Variants in PTPRG observed in about 807,000 individuals in gnomAD.
PTPRG encodes the protein protein tyrosine phosphatase receptor type G.
Under a neutral mutation model 165.3 loss-of-function variants are expected in PTPRG, and 102 were observed. The observed-to-expected ratio is 0.62, with a 90% CI of 0.53 to 0.73. PTPRG has a LOEUF of 0.73. Among genes scored for constraint, PTPRG ranks in the 30% least tolerant of loss-of-function variants. The probability of loss-of-function intolerance (pLI) is 0.00; values close to 1 mark genes in which losing one functional copy is unlikely to be tolerated. For synonymous variants in PTPRG, 675 were observed against 669.5 expected (o/e 1.01, Z -0.13); for missense variants, 1,866 against 1,861.4 (o/e 1.00, Z -0.05).
At chr3:62,041,119 A>G (rs964191689) in intron 4 of PTPRG, among the ~76,000 whole-genome samples, 3 of 152,222 alleles carry the variant, frequency 2.0e-5, no homozygotes, top group African/African-American at 7.2e-5. Context: ...GTGAGAATTA[A>G]AGGAGTTGAT....
chr3:62,124,829 A>T (rs1703227365), intron 5 of PTPRG, among the ~76,000 whole-genome samples: 1 of 152,194 alleles, frequency 6.6e-6, no homozygotes, highest in African/African-American at 2.4e-5. Flanking sequence ...AAGTGCTGGG[A>T]TTACAGGCAT....
intron 3 of PTPRG, among the ~76,000 whole-genome samples, chr3:61,991,616 G>A (rs1377001736): frequency 6.6e-6 from 1 of 152,142 alleles, no homozygotes; most frequent in Non-Finnish European, 1.5e-5. Flanking sequence ...TTTAAATATG[G>A]TGTTCTTAGG....
chr3:61,911,324 G>A (rs1295082788), intron 2 of PTPRG, among the ~76,000 whole-genome samples: 1 of 152,186 alleles, frequency 6.6e-6, no homozygotes, highest in Non-Finnish European at 1.5e-5. Context: ...CAGAGACATA[G>A]AAGTCCAATT....
chr3:62,118,544 G>C (rs1001908501), intron 5 of PTPRG: 2 of 152,142 alleles, frequency 1.3e-5, no homozygotes, highest in African/African-American at 4.8e-5. Context: ...AAGGAAAAAG[G>C]CTAGAAACTT....
intron 2 of PTPRG, among the ~76,000 whole-genome samples, chr3:61,897,522 T>A (rs1391284960): frequency 6.6e-6 from 1 of 152,206 alleles, no homozygotes; most frequent in Non-Finnish European, 1.5e-5. Context: ...GGTAGAAAGA[T>A]TCTTCTCTCT....
At chr3:61,654,059 CACTTTG>C (rs764070721) in intron 1 of PTPRG, among the ~76,000 whole-genome samples, 5 of 152,306 alleles carry the variant, frequency 3.3e-5, no homozygotes, top group African/African-American at 1.2e-4. Flanking sequence ...CCTTCCAGGG[CACTTTG>C]ACTTTGACAA....
At chr3:62,027,399 A>T (rs982578075) in intron 4 of PTPRG, among the ~76,000 whole-genome samples, 2 of 151,944 alleles carry the variant, frequency 1.3e-5, no homozygotes, top group African/African-American at 2.4e-5. Flanking sequence ...CCTCATTTCT[A>T]TTGCATTCCT....
chr3:61,865,334 T>G (rs2037375982), intron 2 of PTPRG, among the ~76,000 whole-genome samples: 1 of 152,222 alleles, frequency 6.6e-6, no homozygotes, highest in Admixed American at 6.5e-5. Flanking sequence ...GAGGCCTTGT[T>G]TGAGCGTCTC....
chr3:62,146,630 TTAAA>T (rs1704133311), intron 6 of PTPRG, among the ~76,000 whole-genome samples: 1 of 134,922 alleles, frequency 7.4e-6, no homozygotes, highest in African/African-American at 2.7e-5. Context: ...CCTGTTGCTT[TTAAA>T]AAAAAAAAAA....
intron 2 of PTPRG, among the ~76,000 whole-genome samples, chr3:61,898,643 C>T (rs1559676857): frequency 6.6e-6 from 1 of 152,200 alleles, no homozygotes; most frequent in Non-Finnish European, 1.5e-5. Context: ...TACCTCTCCT[C>T]ATTGTATGAT....
At chr3:62,135,400 A>G (rs1027319384) in intron 6 of PTPRG, among the ~76,000 whole-genome samples, 1 of 152,208 alleles carries the variant, frequency 6.6e-6, no homozygotes, top group Admixed American at 6.5e-5. Flanking sequence ...TGTCCTTCAC[A>G]GTCTCTGGCT....
chr3:61,840,993 G>T (rs1299727166), intron 2 of PTPRG, among the ~76,000 whole-genome samples: 1 of 152,026 alleles, frequency 6.6e-6, no homozygotes, highest in African/African-American at 2.4e-5. Flanking sequence ...TGTTGGCCAG[G>T]CTGGTCTCGA....
intron 4 of PTPRG, among the ~76,000 whole-genome samples, chr3:62,077,073 C>A (rs1701412814): frequency 6.6e-6 from 1 of 152,074 alleles, no homozygotes; most frequent in African/African-American, 2.4e-5. Context: ...TGAAACCAGC[C>A]TGGACAACAA....
chr3:61,946,005 AT>A (rs938897636), intron 2 of PTPRG, among the ~76,000 whole-genome samples: 97 of 152,178 alleles, frequency 6.4e-4, no homozygotes, highest in African/African-American at 2.1e-3. Context: ...TCATTCATTC[AT>A]TTTTTTTCTT....
At chr3:61,729,296 G>C (rs1395135713) in intron 1 of PTPRG, among the ~76,000 whole-genome samples, 9 of 151,996 alleles carry the variant, frequency 5.9e-5, no homozygotes, top group Admixed American at 2.6e-4. Flanking sequence ...AGGATGGCTT[G>C]ATACCAACAT....
At chr3:61,912,360 G>A (rs77798455) in intron 2 of PTPRG, among the ~76,000 whole-genome samples, 1 of 151,776 alleles carries the variant, frequency 6.6e-6, no homozygotes, top group Non-Finnish European at 1.5e-5. Context: ...TAATGAAGAG[G>A]GTGTTTTCTT....
chr3:61,670,042 T>C (rs1404664684), intron 1 of PTPRG, among the ~76,000 whole-genome samples: 1 of 152,244 alleles, frequency 6.6e-6, no homozygotes, highest in East Asian at 1.9e-4. Flanking sequence ...TCAATCCCTT[T>C]GAACATTAGT....
chr3:61,833,946 T>C (rs956036634), intron 2 of PTPRG, among the ~76,000 whole-genome samples: 7 of 152,230 alleles, frequency 4.6e-5, no homozygotes, highest in African/African-American at 1.4e-4. Context: ...CACAAAGTTA[T>C]GGGTCTTCCT....
At chr3:62,052,406 C>A (rs1440704759) in intron 4 of PTPRG, among the ~76,000 whole-genome samples, 8 of 152,160 alleles carry the variant, frequency 5.3e-5, no homozygotes, top group African/African-American at 1.9e-4. Context: ...GACCACTGTT[C>A]TGTCAAGGCC....
Sources: allele counts gnomAD v4.1 joint callset (sites outside exome capture counted in the v4.1 genomes callset), GRCh38; gene constraint gnomAD v4.1.1; transcripts MANE v1.5; gene names NCBI Gene and HGNC (gene_info 2026-07-23, HGNC 2026-07-21).